Variants in GPHN observed in about 807,000 individuals in gnomAD.
The protein encoded by GPHN is gephyrin.
Under a neutral mutation model 95.5 loss-of-function variants are expected in GPHN, and 17 were observed. That is an observed-to-expected ratio of 0.18 (90% confidence interval 0.12 to 0.27). GPHN has a LOEUF of 0.27. Among genes scored for constraint, GPHN ranks in the 10% least tolerant of loss-of-function variants. The probability of loss-of-function intolerance (pLI) is 1.00; values close to 1 mark genes in which losing one functional copy is unlikely to be tolerated. For missense variants in GPHN, 660 were observed against 978.1 expected (o/e 0.67, Z 4.34); for synonymous variants, 320 against 322.5 (o/e 0.99, Z 0.08).
rs553261342 is a variant in GPHN, at chr14:66,787,858, T to TTTTATATATATATATATATATATA, written c.201+11338_201+11339insTTATATATATATATATATATATAT. Among the ~76,000 whole-genome samples, 769 of 150,506 alleles carry TTTTATATATATATATATATATATA rather than the reference T, an allele frequency of 5.1e-3. 6 individuals carry two copies. Among genetic ancestry groups the TTTTATATATATATATATATATATA allele is most frequent in the Middle Eastern group, 0.01 (3 of 292 alleles). On this transcript the variant is annotated intron_variant, in intron 3 of 22. Transcript: ENST00000478722. ...ATAGTAGGCTTTAATATAAAAAGTA[T>TTTTATATATATATATATATATATA]TATATATATATACTGTAAAACTGTC...
At chr14:67,541,786 C>A in the GPHN span, 1 of 1,312,480 alleles carries the variant, frequency 7.6e-7, no homozygotes, top group South Asian at 1.5e-5. Context: ...CAGAACTCTT[C>A]CTCACACGCT....
chr14:67,004,997 G>A (rs867550628), intron 9 of GPHN, among the ~76,000 whole-genome samples: 1 of 151,358 alleles, frequency 6.6e-6, no homozygotes, highest in African/African-American at 2.4e-5. Flanking sequence ...TGATAGAGGA[G>A]ACCCTGAAAG....
chr14:66,544,578 CT>C (rs202211510), intron 1 of GPHN, among the ~76,000 whole-genome samples: 46,327 of 141,414 alleles, frequency 0.33, 10,744 homozygotes, highest in African/African-American at 0.64. Flanking sequence ...TTCTTTTTTT[CT>C]TTTTTTTTTT....
the GPHN span, among the ~76,000 whole-genome samples, chr14:67,482,933 A>G: frequency 6.6e-6 from 1 of 152,128 alleles, no homozygotes; most frequent in Non-Finnish European, 1.5e-5. Context: ...CAGTATTTCC[A>G]TGTATTAACT....
At chr14:67,224,406 G>A in the GPHN span, among the ~76,000 whole-genome samples, 4 of 151,762 alleles carry the variant, frequency 2.6e-5, no homozygotes, top group East Asian at 1.9e-4. Context: ...CTACAGATGC[G>A]TGCCACTATG....
intron 3 of GPHN, among the ~76,000 whole-genome samples, chr14:66,777,993 G>C (rs1390550956): frequency 6.6e-6 from 1 of 152,060 alleles, no homozygotes; most frequent in African/African-American, 2.4e-5. Context: ...GCAGGAGAAG[G>C]AAATAAAGGG....
chr14:67,549,632 T>A, the GPHN span, among the ~76,000 whole-genome samples: 1 of 152,276 alleles, frequency 6.6e-6, no homozygotes, highest in Non-Finnish European at 1.5e-5. Flanking sequence ...CACCATAGTA[T>A]TTCTCAGGAA....
the GPHN span, among the ~76,000 whole-genome samples, chr14:67,506,131 C>T: frequency 1.3e-5 from 2 of 152,222 alleles, no homozygotes; most frequent in African/African-American, 4.8e-5. Flanking sequence ...CCAGTGAGCA[C>T]TTTCCTGCCC....
chr14:67,073,379 T>C (rs1480932995), intron 11 of GPHN, among the ~76,000 whole-genome samples: 1 of 152,164 alleles, frequency 6.6e-6, no homozygotes, highest in Non-Finnish European at 1.5e-5. Flanking sequence ...GTTTTCATCA[T>C]TAAGTACTGA....
At chr14:67,046,388 A>G (rs2075019665) in intron 10 of GPHN, among the ~76,000 whole-genome samples, 2 of 152,206 alleles carry the variant, frequency 1.3e-5, no homozygotes, top group African/African-American at 4.8e-5. Context: ...CTATGGCAGA[A>G]AACTATGAAA....
intron 2 of GPHN, among the ~76,000 whole-genome samples, chr14:66,698,638 G>GTATT (rs1204945103): frequency 1.3e-5 from 2 of 152,178 alleles, no homozygotes; most frequent in Non-Finnish European, 2.9e-5. Context: ...ATTCACCTAT[G>GTATT]TATTACCTAT....
the GPHN span, among the ~76,000 whole-genome samples, chr14:67,232,460 T>A: frequency 6.6e-6 from 1 of 152,184 alleles, no homozygotes; most frequent in Non-Finnish European, 1.5e-5. Context: ...GACATCCTGC[T>A]TTTAACCTCA....
intron 4 of GPHN, among the ~76,000 whole-genome samples, chr14:66,856,343 C>T (rs2062803764): frequency 6.6e-6 from 1 of 152,068 alleles, no homozygotes; most frequent in Non-Finnish European, 1.5e-5. Flanking sequence ...GTAGAAAATT[C>T]ATATGCTAGT....
intron 8 of GPHN, among the ~76,000 whole-genome samples, chr14:66,947,639 A>G (rs898384343): frequency 3.3e-5 from 5 of 152,210 alleles, no homozygotes; most frequent in African/African-American, 1.2e-4. Context: ...AAAGGGATAT[A>G]TTTCGCCATA....
the GPHN span, among the ~76,000 whole-genome samples, chr14:67,532,132 G>A: frequency 6.6e-6 from 1 of 152,096 alleles, no homozygotes; most frequent in Non-Finnish European, 1.5e-5. Flanking sequence ...AAATTCTCAC[G>A]TTTGGCCTCC....
chr14:67,242,413 C>G, the GPHN span, among the ~76,000 whole-genome samples: 1 of 152,160 alleles, frequency 6.6e-6, no homozygotes, highest in Admixed American at 6.5e-5. Flanking sequence ...TTTGATTTGA[C>G]TGACGCAGTG....
the GPHN span, among the ~76,000 whole-genome samples, chr14:67,409,184 A>T: frequency 6.6e-6 from 1 of 152,080 alleles, no homozygotes; most frequent in African/African-American, 2.4e-5. Flanking sequence ...TCAAGGCTGC[A>T]GTGAGCCTTG....
chr14:67,659,386 C>T, the GPHN span, among the ~76,000 whole-genome samples: 14 of 151,386 alleles, frequency 9.2e-5, no homozygotes, highest in East Asian at 2.7e-3. Flanking sequence ...TAAAAAAGAT[C>T]AAGGAGAAAA....
chr14:67,132,128 G>T (rs2079756832), intron 17 of GPHN, among the ~76,000 whole-genome samples: 3 of 152,168 alleles, frequency 2.0e-5, no homozygotes, highest in Admixed American at 6.5e-5. Context: ...ATTAAAGCAA[G>T]AAGCAGAAGG....
Sources: gnomAD v4.1 joint callset for allele counts (sites outside exome capture counted in the v4.1 genomes callset) on GRCh38, gnomAD v4.1.1 for gene constraint, MANE v1.5 for transcripts, NCBI Gene and HGNC (gene_info 2026-07-23, HGNC 2026-07-21) for gene names.